MCU: variants seen among roughly 807,000 people sequenced by gnomAD.
MCU encodes the protein calcium uniporter protein, mitochondrial.
Under a neutral mutation model 45.2 loss-of-function variants are expected in MCU, and 12 were observed. The observed-to-expected ratio is 0.27, with a 90% confidence interval of 0.17 to 0.43. The LOEUF is 0.43. Among genes scored for constraint, MCU ranks in the 20% least tolerant of loss-of-function variants. The pLI, the probability that MCU is intolerant of heterozygous loss-of-function variation, is 1.00. For missense variants in MCU, 324 were observed against 436.7 expected, an observed-to-expected ratio of 0.74 and a Z score of 2.30; for synonymous variants, 160 against 165.1, an observed-to-expected ratio of 0.97 and a Z score of 0.24.
intron 1 of MCU, among the ~76,000 whole-genome samples, chr10:72,722,443 G>C (rs980741256): frequency 2.7e-5 from 4 of 149,716 alleles, no homozygotes; most frequent in Non-Finnish European, 4.4e-5. Context: ...CCTCCCGCTT[G>C]ACTTAGTCTA....
intron 1 of MCU, among the ~76,000 whole-genome samples, chr10:72,781,753 A>G (rs548522771): frequency 6.6e-6 from 1 of 151,308 alleles, no homozygotes; most frequent in Non-Finnish European, 1.5e-5. Flanking sequence ...ACCTACTTTT[A>G]TGTTATTTCT....
intron 4 of MCU, among the ~76,000 whole-genome samples, chr10:72,863,661 G>A (rs1032558061): frequency 6.6e-6 from 1 of 152,122 alleles, no homozygotes; most frequent in African/African-American, 2.4e-5. Context: ...CTGTCCCCCA[G>A]GCTGGAGTGC....
intron 1 of MCU, among the ~76,000 whole-genome samples, chr10:72,727,595 CTT>C (rs1589434488): frequency 6.6e-6 from 1 of 152,188 alleles, no homozygotes. Flanking sequence ...CTTTTTCACT[CTT>C]AACTCCTAGA....
intron 1 of MCU, among the ~76,000 whole-genome samples, chr10:72,791,526 T>A (rs1844160172): frequency 6.6e-6 from 1 of 152,192 alleles, no homozygotes; most frequent in Admixed American, 6.5e-5. Context: ...CAAGAAACAG[T>A]GCTGAAAAGG....
chr10:72,812,144 C>A (rs1844553703), intron 1 of MCU, among the ~76,000 whole-genome samples: 1 of 149,968 alleles, frequency 6.7e-6, no homozygotes, highest in Admixed American at 6.7e-5. Context: ...GGTTTCTTTT[C>A]TTTTTGTTTT....
chr10:72,775,461 A>G (rs1843877150), intron 1 of MCU, among the ~76,000 whole-genome samples: 1 of 152,148 alleles, frequency 6.6e-6, no homozygotes, highest in Admixed American at 6.5e-5. Flanking sequence ...TTAAGTAAAC[A>G]ACGCACCTCA....
intron 1 of MCU, among the ~76,000 whole-genome samples, chr10:72,695,092 A>G (rs1043613781): frequency 6.6e-6 from 1 of 152,192 alleles, no homozygotes; most frequent in Non-Finnish European, 1.5e-5. Context: ...GCTATTTTTA[A>G]GTATGATTCT....
intron 1 of MCU, among the ~76,000 whole-genome samples, chr10:72,723,670 T>G (rs927489560): frequency 2.0e-5 from 3 of 152,236 alleles, no homozygotes; most frequent in Non-Finnish European, 2.9e-5. Flanking sequence ...AAACTTGTCA[T>G]ACACATTTAA....
intron 1 of MCU, among the ~76,000 whole-genome samples, chr10:72,729,888 C>T (rs1244364834): frequency 6.6e-6 from 1 of 150,926 alleles, no homozygotes; most frequent in Admixed American, 6.6e-5. Flanking sequence ...TGTCTTTAGA[C>T]TTTGCCAAAT....
In MCU at chr10:72,810,018, GTGTT is replaced by G. The variant is rs1291727567; in HGVS notation, c.151-24337_151-24334del. On this transcript the variant is annotated intron_variant, in intron 1 of 7. Coordinates refer to ENST00000373053, the MANE Select transcript of MCU (RefSeq NM_138357.3). Reference sequence around the variant, plus strand: ...GGCTTCTGTGTGTGCATGTGTGTGTGTGTTTGTATGTGTGTGCGCGTGAACATAT... The same window carrying G: ...GGCTTCTGTGTGTGCATGTGTGTGTGTGTATGTGTGTGCGCGTGAACATAT... 9.9e-5 allele frequency among the ~76,000 whole-genome samples: 11 copies of G among 110,690 alleles called. No homozygotes were observed. The South Asian group carries it at 1.9e-3, about 19-fold the overall frequency. The allele number at this position is 110,690 out of a possible 152,430, so 72.6% of individuals were successfully genotyped here.
At chr10:72,841,300 A>G (rs1025327102) in intron 2 of MCU, among the ~76,000 whole-genome samples, 1 of 150,968 alleles carries the variant, frequency 6.6e-6, no homozygotes, top group Non-Finnish European at 1.5e-5. Context: ...TAACTACCAG[A>G]AAAAAAAAAT....
Position 72,773,186 on chromosome 10 carries a change from C to T in MCU, c.151-61173C>T, listed in dbSNP as rs1843838151. 2.0e-5 allele frequency among the ~76,000 whole-genome samples: 3 copies of T among 152,104 alleles called. No individual in the cohort carries two copies. The South Asian group carries it at 6.2e-4, about 32-fold the overall frequency. ...TGCTGGGATTATAGGCATGAGCCACCATACCTGGCACAAAATAGCAATTTT... is the reference window on the plus strand; with the variant it reads ...TGCTGGGATTATAGGCATGAGCCACTATACCTGGCACAAAATAGCAATTTT... On this transcript the variant is annotated intron_variant, in intron 1 of 7. Transcript: ENST00000373053.
chr10:72,794,174 C>T (rs1331982144), intron 1 of MCU, among the ~76,000 whole-genome samples: 2 of 152,144 alleles, frequency 1.3e-5, no homozygotes, highest in Non-Finnish European at 2.9e-5. Context: ...CAGTTACTTT[C>T]ATCCAACTTC....
intron 1 of MCU, among the ~76,000 whole-genome samples, chr10:72,783,453 C>G (rs1844025157): frequency 6.7e-6 from 1 of 150,362 alleles, no homozygotes; most frequent in Non-Finnish European, 1.5e-5. Flanking sequence ...ATCTAGGAGG[C>G]TTTGCATATG....
intron 1 of MCU, among the ~76,000 whole-genome samples, chr10:72,821,535 T>C (rs1033252034): frequency 2.0e-5 from 3 of 152,164 alleles, no homozygotes; most frequent in African/African-American, 7.2e-5. Flanking sequence ...TAATATGAAA[T>C]TGATCTCCTC....
chr10:72,751,341 C>CTTCTTT (rs1474252109), intron 1 of MCU, among the ~76,000 whole-genome samples: 2 of 44,740 alleles, frequency 4.5e-5, no homozygotes, highest in African/African-American at 1.7e-4. Context: ...TCTTCTTCTT[C>CTTCTTT]TTTTTTTTTT....
At chr10:72,884,155 C>T in intron 6 of MCU, 111 bp from the exon 7 acceptor site, 1 of 688,690 alleles carries the variant, frequency 1.5e-6, no homozygotes, top group African/African-American at 1.8e-5. Flanking sequence ...CTTAACACAG[C>T]ACATGTCAGC....
At chr10:72,732,323 A>G (rs572387665) in intron 1 of MCU, among the ~76,000 whole-genome samples, 1 of 152,282 alleles carries the variant, frequency 6.6e-6, no homozygotes, top group South Asian at 2.1e-4. Context: ...TTCATTATGA[A>G]TCTGGCATCT....
intron 1 of MCU, among the ~76,000 whole-genome samples, chr10:72,737,673 C>T (rs1407353033): frequency 6.6e-6 from 1 of 152,052 alleles, no homozygotes; most frequent in Non-Finnish European, 1.5e-5. Context: ...GTGCGCACCA[C>T]TATGCCTGGC....
Sources: allele counts gnomAD v4.1 joint callset (sites outside exome capture counted in the v4.1 genomes callset), GRCh38; gene constraint gnomAD v4.1.1; transcripts MANE v1.5; gene names NCBI Gene and HGNC (gene_info 2026-07-23, HGNC 2026-07-21).